Variants in NARS1 observed in about 807,000 individuals in gnomAD.
NARS1 encodes asparaginyl-tRNA synthetase 1.
NARS1 carries 65 observed loss-of-function variants against 79.2 expected under a neutral mutation model. That is an observed-to-expected ratio of 0.82 (90% CI 0.67 to 1.01). The LOEUF (loss-of-function observed/expected upper bound fraction) is 1.01, where lower values mean the gene tolerates loss of function less well. NARS1 is among the 50% of genes least tolerant of loss of function. The pLI is 0.00. For missense variants in NARS1, 649 were observed against 673.8 expected (o/e 0.96, Z 0.41); for synonymous variants, 229 against 238.8 (o/e 0.96, Z 0.38).
In NARS1 at chr18:57,601,283, G is replaced by C. The variant is rs2051503063; in HGVS notation, c.*369C>G. ...TACACTTAAAAGGACAGAAAGATAAGTTACTGGAGTATCTTACACCATAAT... is the reference window on the plus strand; with the variant it reads ...TACACTTAAAAGGACAGAAAGATAACTTACTGGAGTATCTTACACCATAAT... On this transcript the variant is annotated 3_prime_UTR_variant, in exon 14 of 14. Coordinates refer to ENST00000256854, the MANE Select transcript of NARS1 (RefSeq NM_004539.4). The C allele has an allele frequency of 6.4e-6, 1 of 156,498 alleles. No individual in the cohort carries two copies. The highest frequency in any genetic ancestry group is 1.4e-5 in the Non-Finnish European group (1 of 70,660). 9.7% of individuals were successfully genotyped at this position (156,498 alleles called of 1,614,324 possible). A position where few individuals can be genotyped will look rare whatever the true frequency, so the allele number is the denominator to read the frequency against.
chr18:57,605,598 G>A (rs553332534), intron 11 of NARS1, among the ~76,000 whole-genome samples: 5 of 132,940 alleles, frequency 3.8e-5, no homozygotes, highest in Admixed American at 1.6e-4. Context: ...GCGACAGAGC[G>A]AGACTCCGTC....
intron 11 of NARS1, among the ~76,000 whole-genome samples, chr18:57,603,276 CTCAGTG>C (rs1329988344): frequency 6.6e-6 from 1 of 151,810 alleles, no homozygotes; most frequent in Non-Finnish European, 1.5e-5. Flanking sequence ...CAGTATTTTT[CTCAGTG>C]GCCCGTTTTG....
intron 2 of NARS1, among the ~76,000 whole-genome samples, chr18:57,617,849 A>C (rs1301980468): frequency 1.3e-5 from 2 of 148,844 alleles, no homozygotes; most frequent in Admixed American, 1.4e-4. Flanking sequence ...CGGGAGGCAG[A>C]GGTTGCAGTG....
Position 57,607,502 on chromosome 18 carries a change from G to A in NARS1, c.743C>T (p.Ala248Val). Residue 248 changes from alanine (A) to valine (V), a missense_variant, in exon 8 of 14, where the codon GCA becomes GTA. Coordinates refer to ENST00000256854, the MANE Select transcript of NARS1 (RefSeq NM_004539.4). The part of the protein sequence containing the change: ...RGENMSKILK[A>V]RSMVTRCFRD... ...AAAGCACCTGGTGACCATGGATCGT[G>A]CTTTTAGGATTTTGGACATGTTTTC... 6.2e-7 allele frequency: 1 copy of A among 1,614,172 alleles called. No individual in the cohort carries two copies. The highest frequency in any genetic ancestry group is 8.5e-7 in the Non-Finnish European group (1 of 1,180,024).
intron 2 of NARS1, among the ~76,000 whole-genome samples, chr18:57,618,730 C>G (rs938342834): frequency 2.0e-5 from 3 of 151,858 alleles, no homozygotes; most frequent in Non-Finnish European, 4.4e-5. Flanking sequence ...AATGAGATCT[C>G]GTATCTACAA....
In NARS1 at chr18:57,621,752, G is replaced by A. The variant is rs571642293; in HGVS notation, c.-35C>T. The A allele has an allele frequency of 1.2e-6, 2 of 1,613,964 alleles. No homozygotes were observed. The highest frequency in any genetic ancestry group is 1.7e-5 in the Admixed American group (1 of 60,028). On this transcript the variant is annotated 5_prime_UTR_variant, in exon 1 of 14. Coordinates refer to ENST00000256854, the MANE Select transcript of NARS1 (RefSeq NM_004539.4). Reference sequence around the variant, plus strand: ...GGCCCTGGTCACCTCCAAGGACACAGACTGCAACACCGACGCCGTCTTATG... The same window carrying A: ...GGCCCTGGTCACCTCCAAGGACACAAACTGCAACACCGACGCCGTCTTATG...
In NARS1 at chr18:57,617,275, G is replaced by T. The variant is rs368647301; in HGVS notation, c.94-1300C>A. ...TTCTCAGTTCTACGACTGCTGCAGA[G>T]AAGGAGGGAATCTGAGGCCGGGCAT... On this transcript the variant is annotated intron_variant, in intron 2 of 13. Transcript: ENST00000256854. Among the ~76,000 whole-genome samples, 26 of 152,182 alleles carry T rather than the reference G, an allele frequency of 1.7e-4. No homozygotes were observed. In the East Asian group the frequency reaches 4.8e-3, roughly 28 times the overall value.
chr18:57,612,652 T>A (rs2051614115), intron 5 of NARS1, among the ~76,000 whole-genome samples: 1 of 152,200 alleles, frequency 6.6e-6, no homozygotes. Context: ...GCCAGGCTGG[T>A]CTTGAACTCC....
chr18:57,616,167 C>A (rs917916079), intron 2 of NARS1, 192 bp from the exon 3 acceptor site: 5 of 540,712 alleles, frequency 9.2e-6, no homozygotes, highest in Middle Eastern at 4.9e-4. Context: ...TGGCTCACGC[C>A]TGTAATCCCA....
chr18:57,611,689 A>G lies in NARS1; in HGVS notation c.440T>C (p.Leu147Pro). Residue 147 changes from leucine to proline, a missense_variant, in exon 6 of 14, where the codon CTG becomes CCG. Transcript: ENST00000256854. ...LRRQGKNLMF[L>P]VLRDGTGYLQ... is the part of the protein sequence containing the mutation. ...ATAACCTGTACCATCTCGCAACACCAGAAACATTAAATTCTTTCCTAAAAA... is the reference window on the plus strand; with the variant it reads ...ATAACCTGTACCATCTCGCAACACCGGAAACATTAAATTCTTTCCTAAAAA... 2 of 1,592,268 alleles carry G rather than the reference A, an allele frequency of 1.3e-6. No homozygotes were observed. Among genetic ancestry groups the G allele is most frequent in the Non-Finnish European group, 1.7e-6 (2 of 1,169,674 alleles).
chr18:57,602,538 C>T (rs1275690642), intron 12 of NARS1, 52 bp from the exon 13 acceptor site: 3 of 1,593,384 alleles, frequency 1.9e-6, no homozygotes, highest in Non-Finnish European at 2.6e-6. Flanking sequence ...CGATCAGACA[C>T]AGCACTGCCC....
chr18:57,615,560 C>T, intron 4 of NARS1, 81 bp downstream of exon 4: 3 of 884,384 alleles, frequency 3.4e-6, no homozygotes, highest in Non-Finnish European at 5.4e-6. Context: ...AGGAACAAAC[C>T]ATGTGACATG....
In NARS1 at chr18:57,620,569, C is replaced by T; in HGVS notation, c.93G>A (p.Lys31=). 1 of 1,606,966 alleles carries T rather than the reference C, an allele frequency of 6.2e-7. No individual in the cohort carries two copies. The highest frequency in any genetic ancestry group is 8.5e-7 in the Non-Finnish European group (1 of 1,174,310). The part of the protein sequence containing the change: ...TKEKPFKTGL[K]ALMTVGKEPF... ...TTTTCCTAATGAGAAGAGACTCTAC[C>T]TTTAGACCTGTTTTAAATGGTTTCT... is the stretch of plus-strand genomic sequence containing the variant. The change falls in exon 2 of 14, where the codon AAG becomes AAA. Residue 31 remains lysine, a splice_region_variant and synonymous_variant. Coordinates refer to ENST00000256854, the MANE Select transcript of NARS1 (RefSeq NM_004539.4).
intron 5 of NARS1, among the ~76,000 whole-genome samples, chr18:57,613,285 G>A (rs1208997213): frequency 6.6e-6 from 1 of 151,998 alleles, no homozygotes; most frequent in East Asian, 1.9e-4. Context: ...CTGAGGCCAG[G>A]AGTTCCAGAG....
intron 5 of NARS1, among the ~76,000 whole-genome samples, chr18:57,613,000 C>T (rs1373501673): frequency 6.6e-6 from 1 of 152,132 alleles, no homozygotes; most frequent in Non-Finnish European, 1.5e-5. Context: ...GCATCTTCAT[C>T]ACTATAATTG....
At chr18:57,603,522 C>CTT (rs2051527832) in intron 11 of NARS1, among the ~76,000 whole-genome samples, 1 of 152,208 alleles carries the variant, frequency 6.6e-6, no homozygotes, top group Non-Finnish European at 1.5e-5. Flanking sequence ...GTAAGCACAC[C>CTT]TGGAATAGTT....
rs1356882980 is a variant in NARS1, at chr18:57,611,651, A to G, written c.478T>C (p.Leu160=). 1 of 1,595,666 alleles carries G rather than the reference A, an allele frequency of 6.3e-7. No individual in the cohort carries two copies. Among genetic ancestry groups the G allele is most frequent in the African/African-American group, 1.4e-5 (1 of 73,948 alleles). The change falls in exon 6 of 14, where the codon TTG becomes CTG. Residue 160 remains leucine (L), a synonymous_variant. Transcript: ENST00000256854. ...AAAATATTTACCAACTCATCCGCCA[A>G]GACACACTGAAGATAACCTGTACCA... is the stretch of plus-strand genomic sequence containing the variant. ...RDGTGYLQCV[L]ADELCQCYNG...
Position 57,615,572 on chromosome 18 carries a change from C to T in NARS1, c.342+69G>A, listed in dbSNP as rs926025637. 5 of 966,058 alleles carry T rather than the reference C, an allele frequency of 5.2e-6. No homozygotes were observed. In the African/African-American group the frequency reaches 6.6e-5, roughly 13 times the overall value. The allele number at this position is 966,058 out of a possible 1,614,324, so 59.8% of individuals were successfully genotyped here. A position where few individuals can be genotyped will look rare whatever the true frequency, so the allele number is the denominator to read the frequency against. On this transcript the variant is annotated intron_variant, in intron 4 of 13. Transcript: ENST00000256854. ...TAAAGGAACAAACCATGTGACATGCCCCTCATACACAGAAATAATGATCTG... is the reference window on the plus strand; with the variant it reads ...TAAAGGAACAAACCATGTGACATGCTCCTCATACACAGAAATAATGATCTG...
chr18:57,620,677 A>C (rs1486580978), intron 1 of NARS1, 26 bp from the exon 2 acceptor site: 1 of 1,486,026 alleles, frequency 6.7e-7, no homozygotes, highest in East Asian at 2.3e-5. Flanking sequence ...AGGGTAAGTT[A>C]TGGTCTGGCC....
Sources: gnomAD v4.1 joint callset for allele counts (sites outside exome capture counted in the v4.1 genomes callset) on GRCh38, gnomAD v4.1.1 for gene constraint, MANE v1.5 for transcripts, NCBI Gene and HGNC (gene_info 2026-07-23, HGNC 2026-07-21) for gene names.